The following DPF2 variants were observed in gnomAD, a reference collection of about 807,000 sequenced individuals.
The protein encoded by DPF2 is double PHD fingers 2.
A neutral mutation model predicts 59.6 loss-of-function variants in DPF2; 10 were observed. The observed-to-expected ratio is 0.17, with a 90% confidence interval of 0.10 to 0.28. The LOEUF (loss-of-function observed/expected upper bound fraction) is 0.28, where lower values mean the gene tolerates loss of function less well. Among genes scored for constraint, DPF2 ranks in the 10% least tolerant of loss-of-function variants. The probability of loss-of-function intolerance (pLI) is 1.00; values close to 1 mark genes in which losing one functional copy is unlikely to be tolerated. For missense variants in DPF2, 315 were observed against 509.4 expected, an observed-to-expected ratio of 0.62 and a Z score of 3.67; for synonymous variants, 189 against 190.6, an observed-to-expected ratio of 0.99 and a Z score of 0.07.
At chr11:65,343,860 G>A (rs772018820) in intron 5 of DPF2, 23 bp downstream of exon 5, 2 of 1,582,790 alleles carry the variant, frequency 1.3e-6, no homozygotes, top group East Asian at 4.6e-5. Context: ...CGTGCTGCCT[G>A]CATCTTGGGA....
chr11:65,344,999 G>T, intron 6 of DPF2: 1 of 271,554 alleles, frequency 3.7e-6, no homozygotes, highest in Non-Finnish European at 6.9e-6. Context: ...CTTTCCTGCT[G>T]GCCCCCTTGC....
intron 2 of DPF2, 21 bp from the exon 3 acceptor site, chr11:65,340,945 C>T (rs1854349854): frequency 6.2e-7 from 1 of 1,612,406 alleles, no homozygotes; most frequent in African/African-American, 1.3e-5. Context: ...GGCCTGACTT[C>T]TATCTTTCTT....
At position 65,341,627 on chromosome 11, in the gene DPF2, C is replaced by T. The variant is rs1854377706; in HGVS notation, c.465+65C>T. On this transcript the variant is annotated intron_variant, in intron 4 of 10. Transcript: ENST00000528416. ...AATCAGCCTCCTCTTCACTGGGGGC[C>T]ACCTAGTTTCTAGAACTGAAACAGA... 9 of 1,594,254 alleles carry T rather than the reference C, an allele frequency of 5.6e-6. No individual in the cohort carries two copies. The Admixed American group carries it at 1.2e-4, about 21-fold the overall frequency.
At chr11:65,338,945 A>G (rs150607308) in intron 1 of DPF2, among the ~76,000 whole-genome samples, 56 of 152,136 alleles carry the variant, frequency 3.7e-4, no homozygotes, top group African/African-American at 1.2e-3. Flanking sequence ...AACCTCCTCA[A>G]TCTATAGAAG....
Position 65,353,432 on chromosome 11 carries a change from C to T in DPF2, c.*1673C>T, listed in dbSNP as rs916144866. Among the ~76,000 whole-genome samples, 9 of 152,156 alleles carry T rather than the reference C, an allele frequency of 5.9e-5. No individual in the cohort carries two copies. The highest frequency in any genetic ancestry group is 2.2e-4 in the African/African-American group (9 of 41,418). ...TAATGACATCACCATGGGACACACA[C>T]AAAAGTTCTTGCAGGAGCAGGGTCT... On this transcript the variant is annotated 3_prime_UTR_variant, in exon 11 of 11. Transcript: ENST00000528416.
chr11:65,337,609 T>G (rs1854237036), intron 1 of DPF2, among the ~76,000 whole-genome samples: 1 of 149,634 alleles, frequency 6.7e-6, no homozygotes, highest in Non-Finnish European at 1.5e-5. Flanking sequence ...GTTATTGCTT[T>G]TTTTTGTTTT....
In DPF2 at chr11:65,352,049, C is replaced by T; in HGVS notation, c.*290C>T. The T allele has an allele frequency of 2.3e-6, 1 of 433,300 alleles. No homozygotes were observed. The highest frequency in any genetic ancestry group is 4.2e-6 in the Non-Finnish European group (1 of 236,062). 26.8% of individuals were successfully genotyped at this position (433,300 alleles called of 1,614,324 possible). A position where few individuals can be genotyped will look rare whatever the true frequency, so the allele number is the denominator to read the frequency against. ...TCACTCTGCTTGCCTTGGGCCCAGC[C>T]CCTGGTGATCACAGGGTTCAAACAG... On this transcript the variant is annotated 3_prime_UTR_variant, in exon 11 of 11. Coordinates refer to ENST00000528416, the MANE Select transcript of DPF2 (RefSeq NM_006268.5).
chr11:65,347,331 G>GTATT (rs1196169181), intron 9 of DPF2: 1 of 151,700 alleles, frequency 6.6e-6, no homozygotes, highest in Non-Finnish European at 1.5e-5. Flanking sequence ...TATTCTTTAT[G>GTATT]TATTTATTTA....
chr11:65,338,997 G>A (rs74370342), intron 1 of DPF2, among the ~76,000 whole-genome samples: 130 of 152,254 alleles, frequency 8.5e-4, no homozygotes, highest in Non-Finnish European at 1.6e-3. Context: ...GTCCATGTTC[G>A]TGTGACTTGC....
rs755112635 is a variant in DPF2, at chr11:65,345,761, C to G, written c.733C>G (p.Gln245Glu). The G allele has an allele frequency of 6.2e-7, 1 of 1,614,132 alleles. No individual in the cohort carries two copies. ...EEEGEDKEDS[Q>E]PPTPVSQRSE... ...GGAGGGCGAGGACAAGGAAGACTCT[C>G]AACCACCCACTCCTGTTTCCCAGAG... The change falls in exon 7 of 11, where the codon CAA becomes GAA. Residue 245 changes from glutamine to glutamate, a missense_variant. This residue lies in a region of DPF2 where 58 missense variants were observed against 84.6 expected (regional missense o/e 0.69). Coordinates refer to ENST00000528416, the MANE Select transcript of DPF2 (RefSeq NM_006268.5).
In DPF2 at chr11:65,351,670, T is replaced by C; in HGVS notation, c.1100-13T>C. The C allele has an allele frequency of 6.2e-7, 1 of 1,614,080 alleles. No homozygotes were observed. Among genetic ancestry groups the C allele is most frequent in the Non-Finnish European group, 8.5e-7 (1 of 1,179,932 alleles). On this transcript the variant is annotated splice_polypyrimidine_tract_variant and intron_variant, in intron 10 of 10. Transcript: ENST00000528416. The stretch of plus-strand genomic sequence containing the variant: ...TGTGGGACCCATCCTGACCCCATTT[T>C]GCCTCTCTGCAGGAAGTTGGAGCTG...
intron 9 of DPF2, chr11:65,348,252 T>C (rs1854595337): frequency 6.6e-6 from 1 of 152,564 alleles, no homozygotes; most frequent in African/African-American, 2.4e-5. Flanking sequence ...ACCACCGCAC[T>C]CTAGCCTGGG....
intron 4 of DPF2, chr11:65,341,785 A>G: frequency 1.9e-6 from 1 of 540,150 alleles, no homozygotes; most frequent in Non-Finnish European, 3.2e-6. Flanking sequence ...ACAGAAGGTT[A>G]TTATTATACA....
In DPF2 at chr11:65,353,892, G is replaced by A. The variant is rs1226373100; in HGVS notation, c.*2133G>A. ...CCAGGCAGAGAGGGAGTACAGCAAT[G>A]GATGCGCTTTGGCAGCTGAGTAGTC... On this transcript the variant is annotated 3_prime_UTR_variant, in exon 11 of 11. Transcript: ENST00000528416. Among the ~76,000 whole-genome samples, 1 of 152,208 alleles carries A rather than the reference G, an allele frequency of 6.6e-6. No homozygotes were observed. The highest frequency in any genetic ancestry group is 2.4e-5 in the African/African-American group (1 of 41,436).
intron 10 of DPF2, among the ~76,000 whole-genome samples, chr11:65,349,148 C>T (rs1854621876): frequency 6.6e-6 from 1 of 152,126 alleles, no homozygotes; most frequent in Admixed American, 6.5e-5. Context: ...AAATCAACAG[C>T]CCAGAAGAAA....
intron 1 of DPF2, among the ~76,000 whole-genome samples, chr11:65,337,490 T>TAG (rs1565527455): frequency 2.1e-4 from 14 of 67,036 alleles, no homozygotes; most frequent in Non-Finnish European, 4.0e-4. Context: ...TATATATATA[T>TAG]ATATATATAT....
chr11:65,341,487 G>A lies in DPF2; in HGVS notation c.390G>A (p.Lys130=). 1 of 1,614,214 alleles carries A rather than the reference G, an allele frequency of 6.2e-7. No individual in the cohort carries two copies. The change falls in exon 4 of 11, where the codon AAG becomes AAA. Residue 130 remains lysine (K), a synonymous_variant. Coordinates refer to ENST00000528416, the MANE Select transcript of DPF2 (RefSeq NM_006268.5). ...EALLRTDPLE[K]RGAPDPRVDD... ...TGTTGCGCACTGACCCCCTGGAGAA[G>A]CGAGGTGCCCCGGATCCCCGAGTTG...
chr11:65,341,628 A>G (rs1340901443), intron 4 of DPF2, 66 bp downstream of exon 4: 1 of 1,594,114 alleles, frequency 6.3e-7, no homozygotes, highest in Non-Finnish European at 8.6e-7. Context: ...ACTGGGGGCC[A>G]CCTAGTTTCT....
intron 10 of DPF2, 51 bp from the exon 11 acceptor site, chr11:65,351,632 C>G (rs768590373): frequency 7.3e-6 from 11 of 1,512,086 alleles, no homozygotes; most frequent in Middle Eastern, 1.7e-4. Context: ...GAATTGCAAG[C>G]AGGTGGGGAT....
Sources: gnomAD v4.1 joint callset for allele counts (sites outside exome capture counted in the v4.1 genomes callset) on GRCh38, gnomAD v4.1.1 for gene constraint, gnomAD v4.1.1 regional missense constraint, MANE v1.5 for transcripts, NCBI Gene and HGNC (gene_info 2026-07-23, HGNC 2026-07-21) for gene names.